The following CTTNBP2 variants were observed in gnomAD, a reference collection of about 807,000 sequenced individuals.
CTTNBP2 encodes cortactin-binding protein 2.
In CTTNBP2, 108 loss-of-function variants were observed where a neutral mutation model predicts 156.9. The observed-to-expected ratio is 0.69, with a 90% confidence interval of 0.59 to 0.81. The LOEUF (loss-of-function observed/expected upper bound fraction) is 0.81, where lower values mean the gene tolerates loss of function less well. CTTNBP2 is among the 30% of genes least tolerant of loss of function. The pLI is 0.00. For missense variants in CTTNBP2, 1,924 were observed against 2,035.4 expected, an observed-to-expected ratio of 0.95 and a Z score of 1.05; for synonymous variants, 767 against 751.8, an observed-to-expected ratio of 1.02 and a Z score of -0.33.
intron 1 of CTTNBP2, among the ~76,000 whole-genome samples, chr7:117,872,914 C>A (rs1211642988): frequency 6.6e-5 from 10 of 152,150 alleles, no homozygotes; most frequent in African/African-American, 2.4e-4. Flanking sequence ...GTACCAGGCA[C>A]CCCCGAGACA....
At chr7:117,869,733 C>T (rs1478408966) in intron 1 of CTTNBP2, among the ~76,000 whole-genome samples, 1 of 151,498 alleles carries the variant, frequency 6.6e-6, no homozygotes, top group Non-Finnish European at 1.5e-5. Flanking sequence ...ATGACAGCAA[C>T]GACAATAATA....
intron 2 of CTTNBP2, among the ~76,000 whole-genome samples, chr7:117,824,798 T>C (rs1371165723): frequency 6.6e-6 from 1 of 152,238 alleles, no homozygotes; most frequent in Non-Finnish European, 1.5e-5. Context: ...TTCTTCAAAT[T>C]GTAAGACACA....
At chr7:117,738,594 A>G (rs1276104407) in intron 14 of CTTNBP2, among the ~76,000 whole-genome samples, 1 of 152,234 alleles carries the variant, frequency 6.6e-6, no homozygotes, top group Non-Finnish European at 1.5e-5. Flanking sequence ...GAAATACTGG[A>G]GACAACTCTA....
At chr7:117,848,000 G>A (rs1177469944) in intron 2 of CTTNBP2, among the ~76,000 whole-genome samples, 1 of 151,696 alleles carries the variant, frequency 6.6e-6, no homozygotes, top group Non-Finnish European at 1.5e-5. Flanking sequence ...TGTATTTTTA[G>A]TAGAAACAGG....
At chr7:117,866,276 T>C (rs1250475012) in intron 1 of CTTNBP2, among the ~76,000 whole-genome samples, 3 of 152,068 alleles carry the variant, frequency 2.0e-5, no homozygotes, top group Non-Finnish European at 4.4e-5. Flanking sequence ...CAGCTAAATA[T>C]TAACAGAAAA....
intron 12 of CTTNBP2, among the ~76,000 whole-genome samples, chr7:117,748,548 C>T (rs1796459574): frequency 6.6e-6 from 1 of 152,182 alleles, no homozygotes. Flanking sequence ...TCTTGCACAA[C>T]ACGCAAAATA....
intron 2 of CTTNBP2, among the ~76,000 whole-genome samples, chr7:117,860,622 T>C (rs1263271628): frequency 6.6e-6 from 1 of 152,162 alleles, no homozygotes; most frequent in East Asian, 1.9e-4. Flanking sequence ...GGATTCACCA[T>C]TGTTTTTTCA....
chr7:117,774,455 TGGA>T (rs1467539452), intron 8 of CTTNBP2, among the ~76,000 whole-genome samples: 3 of 151,838 alleles, frequency 2.0e-5, no homozygotes, highest in Non-Finnish European at 4.4e-5. Context: ...AGGAGGTGAG[TGGA>T]GGGTGGGCAA....
chr7:117,871,890 C>T, intron 1 of CTTNBP2: 1 of 706,658 alleles, frequency 1.4e-6, no homozygotes, highest in Non-Finnish European at 1.6e-6. Flanking sequence ...TTTCTTTTTC[C>T]TCGTCCTTCC....
intron 2 of CTTNBP2, among the ~76,000 whole-genome samples, chr7:117,852,681 C>T (rs10487378): frequency 0.015 from 2,318 of 152,246 alleles, 33 homozygotes; most frequent in Non-Finnish European, 0.023. Flanking sequence ...TTATAATTAC[C>T]TGCGCTCAAT....
intron 2 of CTTNBP2, among the ~76,000 whole-genome samples, chr7:117,827,382 T>C (rs1213838549): frequency 1.3e-5 from 2 of 152,220 alleles, no homozygotes; most frequent in East Asian, 3.8e-4. Context: ...CCCACTTGTA[T>C]GTTGTTCTCA....
chr7:117,717,870 C>T, intron 22 of CTTNBP2, 148 bp downstream of exon 22: 2 of 542,594 alleles, frequency 3.7e-6, no homozygotes, highest in Admixed American at 3.5e-5. Context: ...TTTCTAAAAC[C>T]TAATGAACAC....
intron 2 of CTTNBP2, among the ~76,000 whole-genome samples, chr7:117,836,426 T>A (rs1051362218): frequency 6.6e-6 from 1 of 152,002 alleles, no homozygotes; most frequent in Non-Finnish European, 1.5e-5. Context: ...TAGCCAGGCG[T>A]GGTGGTGGGC....
Position 117,767,144 on chromosome 7 carries a change from C to G in CTTNBP2, c.2811G>C (p.Gly937=). ...NCLEILCRHG[G]LEPERRDKCN... The stretch of plus-strand genomic sequence containing the variant: ...ACTTGTCTCTCCTTTCTGGCTCAAG[C>G]CCTCCGTGCCTACACAAGATTTCTA... The change falls in exon 9 of 23, where the codon GGG becomes GGC. Residue 937 remains glycine (G), a synonymous_variant. Transcript: ENST00000160373. 6.2e-7 allele frequency: 1 copy of G among 1,611,526 alleles called. No homozygotes were observed.
At chr7:117,754,588 T>C (rs1483008211) in intron 12 of CTTNBP2, among the ~76,000 whole-genome samples, 1 of 152,224 alleles carries the variant, frequency 6.6e-6, no homozygotes, top group Non-Finnish European at 1.5e-5. Flanking sequence ...ATTATAATTG[T>C]TTATGGAAGA....
At chr7:117,838,417 G>T (rs1181135744) in intron 2 of CTTNBP2, among the ~76,000 whole-genome samples, 1 of 152,092 alleles carries the variant, frequency 6.6e-6, no homozygotes, top group Non-Finnish European at 1.5e-5. Flanking sequence ...AGTCTAATGT[G>T]GTTATGTGAC....
chr7:117,836,722 A>G (rs1801972150), intron 2 of CTTNBP2, among the ~76,000 whole-genome samples: 1 of 152,178 alleles, frequency 6.6e-6, no homozygotes, highest in South Asian at 2.1e-4. Flanking sequence ...TTATACAGGA[A>G]AGGGGTTTAA....
intron 9 of CTTNBP2, among the ~76,000 whole-genome samples, chr7:117,765,519 A>ATCACACTACC (rs1462250571): frequency 6.6e-6 from 1 of 152,100 alleles, no homozygotes; most frequent in Non-Finnish European, 1.5e-5. Flanking sequence ...TTTCCCTTAA[A>ATCACACTACC]TCACACTACC....
chr7:117,738,343 CAGTGGA>C (rs1340203865), intron 14 of CTTNBP2, among the ~76,000 whole-genome samples: 3 of 152,140 alleles, frequency 2.0e-5, no homozygotes, highest in Non-Finnish European at 4.4e-5. Flanking sequence ...TTCTGGGAAT[CAGTGGA>C]AGTCTTTAAA....
Sources: gnomAD v4.1 joint callset for allele counts (sites outside exome capture counted in the v4.1 genomes callset) on GRCh38, gnomAD v4.1.1 for gene constraint, MANE v1.5 for transcripts, NCBI Gene and HGNC (gene_info 2026-07-23, HGNC 2026-07-21) for gene names.